Variants in PRKAB2 observed in about 807,000 individuals in gnomAD.
The protein encoded by PRKAB2 is protein kinase AMP-activated non-catalytic subunit beta 2.
Under a neutral mutation model 29.8 loss-of-function variants are expected in PRKAB2, and 18 were observed. The ratio of observed to expected loss-of-function variants is 0.60; its 90% CI spans 0.42 to 0.89. The LOEUF (loss-of-function observed/expected upper bound fraction) is 0.89, where lower values mean the gene tolerates loss of function less well. Ranked by LOEUF, PRKAB2 falls within the 40% of genes least tolerant of loss-of-function variation. The pLI is 0.00. For synonymous variants in PRKAB2, 136 were observed against 125.9 expected (o/e 1.08, Z -0.54); for missense variants, 270 against 344.3 (o/e 0.78, Z 1.71).
chr1:147,169,789 T>G (rs1571067770), intron 2 of PRKAB2, among the ~76,000 whole-genome samples: 4 of 152,208 alleles, frequency 2.6e-5, no homozygotes, highest in African/African-American at 9.6e-5. Flanking sequence ...ACTTTGAAAG[T>G]GTTTCAAATT....
chr1:147,166,439 C>CT, intron 5 of PRKAB2, 59 bp downstream of exon 5: 1 of 1,566,880 alleles, frequency 6.4e-7, no homozygotes, highest in South Asian at 1.2e-5. Context: ...ACATAAACAA[C>CT]TTTTAGGAAG....
chr1:147,167,015 T>C lies in PRKAB2; in HGVS notation c.324-76A>G, dbSNP rs1423340345. ...GAATCTAAAAAACAAGTGGCAATCA[T>C]AGTATCATATGAATAATTTCCCAGA... is the stretch of plus-strand genomic sequence containing the variant. On this transcript the variant is annotated intron_variant, in intron 3 of 7. Transcript: ENST00000254101. 1.4e-5 allele frequency: 17 copies of C among 1,188,596 alleles called. No homozygotes were observed. In the East Asian group the frequency reaches 4.1e-4, roughly 28 times the overall value. The allele number at this position is 1,188,596 out of a possible 1,614,324, so 73.6% of individuals were successfully genotyped here.
Position 147,157,428 on chromosome 1 carries a change from T to C in PRKAB2, c.*2137A>G, listed in dbSNP as rs1321190895. On this transcript the variant is annotated 3_prime_UTR_variant, in exon 8 of 8. Transcript: ENST00000254101. ...CCAGAGAGAAAGATCTGAAGATCAC[T>C]AGCATCAAAACCTACTGTCACAGGG... The C allele has an allele frequency of 6.6e-6, 1 of 152,126 alleles. No individual in the cohort carries two copies. The highest frequency in any genetic ancestry group is 1.5e-5 in the Non-Finnish European group (1 of 68,018). The allele number at this position is 152,126 out of a possible 1,614,324, so 9.4% of individuals were successfully genotyped here.
In PRKAB2 at chr1:147,159,224, T is replaced by C. The variant is rs587729662; in HGVS notation, c.*341A>G. ...AGGATCCTAAGAGTTTGCTGTTCTTTCATTTTAGGAAAAATCTTCCTATAT... is the reference window on the plus strand; with the variant it reads ...AGGATCCTAAGAGTTTGCTGTTCTTCCATTTTAGGAAAAATCTTCCTATAT... On this transcript the variant is annotated 3_prime_UTR_variant, in exon 8 of 8. Coordinates refer to ENST00000254101, the MANE Select transcript of PRKAB2 (RefSeq NM_005399.5). 1 of 224,570 alleles carries C rather than the reference T, an allele frequency of 4.5e-6. No homozygotes were observed. The highest frequency in any genetic ancestry group is 5.1e-5 in the Admixed American group (1 of 19,664). The allele number at this position is 224,570 out of a possible 1,614,324, so 13.9% of individuals were successfully genotyped here.
Position 147,161,754 on chromosome 1 carries a change from G to A in PRKAB2, c.699C>T (p.Pro233=). The change falls in exon 7 of 8, where the codon CCC becomes CCT. Residue 233 remains proline, a synonymous_variant. Transcript: ENST00000254101. ...ISCDPALLPE[P]NHVMLNHLYA... ...AGAGATGGTTCAGCATAACATGGTTGGGCTCAGGGAGTAAGGCTGGGTCAC... is the reference window on the plus strand; with the variant it reads ...AGAGATGGTTCAGCATAACATGGTTAGGCTCAGGGAGTAAGGCTGGGTCAC... The A allele has an allele frequency of 6.2e-7, 1 of 1,612,748 alleles. No individual in the cohort carries two copies. The highest frequency in any genetic ancestry group is 8.5e-7 in the Non-Finnish European group (1 of 1,179,122).
At chr1:147,165,452 A>G (rs1184983005) in intron 5 of PRKAB2, among the ~76,000 whole-genome samples, 1 of 152,242 alleles carries the variant, frequency 6.6e-6, no homozygotes, top group Non-Finnish European at 1.5e-5. Context: ...TACTGTGAAG[A>G]AACTCAGAAC....
At chr1:147,159,664 G>T (rs781872377) in intron 7 of PRKAB2, 22 bp from the exon 8 acceptor site, 2 of 1,605,936 alleles carry the variant, frequency 1.2e-6, no homozygotes, top group African/African-American at 1.3e-5. Flanking sequence ...AGAAACATAC[G>T]CAGCTAATTC....
In PRKAB2 at chr1:147,159,013, AG is replaced by A. The variant is rs1295371759; in HGVS notation, c.*551del. 6.6e-6 allele frequency: 1 copy of A among 152,652 alleles called. No individual in the cohort carries two copies. Among genetic ancestry groups the A allele is most frequent in the Admixed American group, 6.5e-5 (1 of 15,330 alleles). The allele number at this position is 152,652 out of a possible 1,614,324, so 9.5% of individuals were successfully genotyped here. A position where few individuals can be genotyped will look rare whatever the true frequency, so the allele number is the denominator to read the frequency against. Reference sequence around the variant, plus strand: ...GGAAGAATGTGAAATGAGAGGAATAAGGGTTCTTGTGGGGCATCTGGTATCA... The same window carrying A: ...GGAAGAATGTGAAATGAGAGGAATAAGGTTCTTGTGGGGCATCTGGTATCA... On this transcript the variant is annotated 3_prime_UTR_variant, in exon 8 of 8. Coordinates refer to ENST00000254101, the MANE Select transcript of PRKAB2 (RefSeq NM_005399.5).
intron 6 of PRKAB2, 89 bp from the exon 7 acceptor site, chr1:147,161,869 C>CT (rs1653982411): frequency 9.3e-7 from 1 of 1,075,356 alleles, no homozygotes; most frequent in Middle Eastern, 2.9e-4. Flanking sequence ...CCTCAGAGCT[C>CT]TTTGAGAAAT....
Position 147,170,991 on chromosome 1 carries a change from C to T in PRKAB2, c.156+998G>A, listed in dbSNP as rs114538655. ...ATTCACTCTCTAAAGCCCCAGTTCC[C>T]TGGGAAGTGATGAAATGATAGGAAA... On this transcript the variant is annotated intron_variant, in intron 2 of 7. Coordinates refer to ENST00000254101, the MANE Select transcript of PRKAB2 (RefSeq NM_005399.5). Among the ~76,000 whole-genome samples, 1,493 of 152,308 alleles carry T rather than the reference C, an allele frequency of 9.8e-3. 24 individuals are homozygous for T. The highest frequency in any genetic ancestry group is 0.034 in the African/African-American group (1,411 of 41,532).
chr1:147,159,425 G>A lies in PRKAB2; in HGVS notation c.*140C>T. 1.6e-6 allele frequency: 1 copy of A among 636,614 alleles called. No homozygotes were observed. The highest frequency in any genetic ancestry group is 2.8e-5 in the East Asian group (1 of 36,062). 39.4% of individuals were successfully genotyped at this position (636,614 alleles called of 1,614,324 possible). A position where few individuals can be genotyped will look rare whatever the true frequency, so the allele number is the denominator to read the frequency against. On this transcript the variant is annotated 3_prime_UTR_variant, in exon 8 of 8. Coordinates refer to ENST00000254101, the MANE Select transcript of PRKAB2 (RefSeq NM_005399.5). ...TCATCTGCAATCAAATGCAAAAGCA[G>A]AGCATCCTACTCAGAGGCTCTGAAA... is the stretch of plus-strand genomic sequence containing the variant.
rs995492065 is a variant in PRKAB2, at chr1:147,172,432, G to A, written c.-27C>T. The A allele has an allele frequency of 6.0e-6, 3 of 499,750 alleles. No individual in the cohort carries two copies. Among genetic ancestry groups the A allele is most frequent in the Admixed American group, 7.6e-5 (2 of 26,220 alleles). 31.0% of individuals were successfully genotyped at this position (499,750 alleles called of 1,614,324 possible). On this transcript the variant is annotated 5_prime_UTR_variant, in exon 1 of 8. Transcript: ENST00000254101. ...GGGGCGCCCCCACTCCAGTCACCTC[G>A]GGCGATGCGCTCCCTCCTCCAAGGG...
intron 7 of PRKAB2, among the ~76,000 whole-genome samples, chr1:147,160,443 G>C (rs1023866740): frequency 3.3e-5 from 5 of 152,266 alleles, no homozygotes; most frequent in East Asian, 1.9e-4. Context: ...GGCAAGCCTA[G>C]GCAAATTAAA....
chr1:147,165,409 C>A (rs898663723), intron 5 of PRKAB2, among the ~76,000 whole-genome samples: 4 of 152,162 alleles, frequency 2.6e-5, no homozygotes, highest in Non-Finnish European at 5.9e-5. Context: ...GCCTCCTCAG[C>A]TGAGAATCAC....
intron 5 of PRKAB2, 35 bp downstream of exon 5, chr1:147,166,463 G>T: frequency 6.3e-7 from 1 of 1,599,768 alleles, no homozygotes; most frequent in East Asian, 2.2e-5. Context: ...CTACAAGAAA[G>T]ACACAGCAAG....
chr1:147,167,043 C>T lies in PRKAB2; in HGVS notation c.324-104G>A, dbSNP rs1250870432. 2.8e-5 allele frequency: 27 copies of T among 951,782 alleles called. No homozygotes were observed. The Middle Eastern group carries it at 1.5e-3, about 53-fold the overall frequency. 59.0% of individuals were successfully genotyped at this position (951,782 alleles called of 1,614,324 possible). ...TATCATATGAATAATTTCCCAGATTCCTAAGCCATTGTATCCCCTGGTGTA... is the reference window on the plus strand; with the variant it reads ...TATCATATGAATAATTTCCCAGATTTCTAAGCCATTGTATCCCCTGGTGTA... On this transcript the variant is annotated intron_variant, in intron 3 of 7. Transcript: ENST00000254101.
chr1:147,167,380 A>G (rs1396595705), intron 3 of PRKAB2, among the ~76,000 whole-genome samples: 1 of 152,324 alleles, frequency 6.6e-6, no homozygotes, highest in East Asian at 1.9e-4. Flanking sequence ...ATCACTCATT[A>G]TTGCTTTGGA....
chr1:147,168,852 T>C (rs1654379147), intron 2 of PRKAB2, among the ~76,000 whole-genome samples: 2 of 152,210 alleles, frequency 1.3e-5, no homozygotes, highest in South Asian at 2.1e-4. Flanking sequence ...CAGGCTGGAA[T>C]GCAGTGAGTG....
At position 147,157,232 on chromosome 1, in the gene PRKAB2, G is replaced by T. The variant is rs934211100; in HGVS notation, c.*2333C>A. The T allele has an allele frequency of 3.3e-5, 5 of 151,974 alleles. No homozygotes were observed. Among genetic ancestry groups the T allele is most frequent in the South Asian group, 2.1e-4 (1 of 4,812 alleles). 9.4% of individuals were successfully genotyped at this position (151,974 alleles called of 1,614,324 possible). ...TCTCTTCCAAATAGACTGAGATAAG[G>T]CTTCTCAGAACCATGGGATGTATCA... On this transcript the variant is annotated 3_prime_UTR_variant, in exon 8 of 8. Coordinates refer to ENST00000254101, the MANE Select transcript of PRKAB2 (RefSeq NM_005399.5).
Sources: gnomAD v4.1 joint callset for allele counts (sites outside exome capture counted in the v4.1 genomes callset) on GRCh38, gnomAD v4.1.1 for gene constraint, MANE v1.5 for transcripts, NCBI Gene and HGNC (gene_info 2026-07-23, HGNC 2026-07-21) for gene names.